Variants in TAFA2 observed in about 807,000 individuals in gnomAD.
TAFA2 encodes the protein chemokine-like protein TAFA-2.
In TAFA2, 7 loss-of-function variants were observed where a neutral mutation model predicts 18.8. The ratio of observed to expected loss-of-function variants is 0.37; its 90% CI spans 0.21 to 0.70. TAFA2 has a LOEUF of 0.70. TAFA2 is among the 30% of genes least tolerant of loss of function. The pLI is 0.53. For synonymous variants in TAFA2, 60 were observed against 54.2 expected (o/e 1.11, Z -0.47); for missense variants, 122 against 158.1 (o/e 0.77, Z 1.23).
At chr12:61,987,361 A>C (rs1225374249) in intron 1 of TAFA2, among the ~76,000 whole-genome samples, 1 of 152,210 alleles carries the variant, frequency 6.6e-6, no homozygotes, top group Non-Finnish European at 1.5e-5. Flanking sequence ...CAAACCAGTA[A>C]TCCATCAAGT....
intron 1 of TAFA2, among the ~76,000 whole-genome samples, chr12:62,056,491 TTGG>T (rs1280606302): frequency 5.9e-5 from 9 of 152,206 alleles, no homozygotes; most frequent in Non-Finnish European, 1.3e-4. Context: ...TGATAGTGTA[TTGG>T]TGGAAGAAAT....
intron 3 of TAFA2, among the ~76,000 whole-genome samples, chr12:61,754,331 C>T (rs7964226): frequency 0.37 from 56,398 of 151,202 alleles, 10,644 homozygotes; most frequent in African/African-American, 0.45. Flanking sequence ...GTAACATCAA[C>T]TAAATAAATG....
intron 1 of TAFA2, among the ~76,000 whole-genome samples, chr12:61,913,984 T>C (rs1876715007): frequency 6.6e-6 from 1 of 152,168 alleles, no homozygotes; most frequent in African/African-American, 2.4e-5. Context: ...TGTGATAAAG[T>C]AACAGAAACA....
chr12:61,899,139 T>C (rs969391361), intron 1 of TAFA2, among the ~76,000 whole-genome samples: 4 of 152,118 alleles, frequency 2.6e-5, no homozygotes, highest in African/African-American at 9.7e-5. Flanking sequence ...AGCATTTTGG[T>C]CAAAACCATT....
At position 62,233,282 on chromosome 12, in the gene TAFA2, T is replaced by C. The variant is rs372628676; in HGVS notation, c.-130+25481A>G. On this transcript the variant is annotated intron_variant, in intron 1 of 5. Transcript: ENST00000551619. ...TTTTTGTAGAGATGGGGTTTCACCA[T>C]GTTGGCCAGGCTGGACTCTAACTTC... 8.2e-4 allele frequency among the ~76,000 whole-genome samples: 124 copies of C among 151,966 alleles called. 1 individual carries two copies. The East Asian group carries it at 0.013, about 16-fold the overall frequency.
chr12:62,019,005 G>A (rs563430842), intron 1 of TAFA2, among the ~76,000 whole-genome samples: 2 of 152,206 alleles, frequency 1.3e-5, no homozygotes, highest in East Asian at 3.9e-4. Context: ...CCATCAACAA[G>A]TGGGCAAAGG....
chr12:62,209,124 A>G (rs2062703698), intron 1 of TAFA2, among the ~76,000 whole-genome samples: 1 of 152,202 alleles, frequency 6.6e-6, no homozygotes, highest in Non-Finnish European at 1.5e-5. Context: ...AAGACTTCAC[A>G]TGCTGATACA....
intron 2 of TAFA2, among the ~76,000 whole-genome samples, chr12:61,839,057 C>T (rs1873061001): frequency 6.6e-6 from 1 of 152,020 alleles, no homozygotes; most frequent in Non-Finnish European, 1.5e-5. Context: ...TGGAGTATTT[C>T]CTCAGACTTG....
chr12:62,216,893 T>C (rs1018514870), intron 1 of TAFA2, among the ~76,000 whole-genome samples: 22 of 152,208 alleles, frequency 1.4e-4, no homozygotes, highest in African/African-American at 4.1e-4. Flanking sequence ...AGTTAGCATA[T>C]ACATTACGGT....
intron 1 of TAFA2, among the ~76,000 whole-genome samples, chr12:62,186,325 A>G (rs1367156278): frequency 6.6e-6 from 1 of 152,024 alleles, no homozygotes; most frequent in Non-Finnish European, 1.5e-5. Flanking sequence ...AAATATATAT[A>G]TATTTATTTA....
intron 1 of TAFA2, among the ~76,000 whole-genome samples, chr12:62,230,851 T>A (rs1333112298): frequency 6.6e-6 from 1 of 152,200 alleles, no homozygotes; most frequent in Non-Finnish European, 1.5e-5. Context: ...TAATTTTTTA[T>A]CTTTCATAGA....
chr12:62,068,353 C>G (rs1882545360), intron 1 of TAFA2, among the ~76,000 whole-genome samples: 1 of 152,150 alleles, frequency 6.6e-6, no homozygotes. Context: ...AGCACACCCT[C>G]AGCTACCTAG....
intron 2 of TAFA2, among the ~76,000 whole-genome samples, chr12:61,791,781 G>A (rs1298715329): frequency 6.6e-6 from 1 of 151,642 alleles, no homozygotes; most frequent in Admixed American, 6.6e-5. Flanking sequence ...ATGTAAATTA[G>A]TATAGTCATT....
intron 1 of TAFA2, among the ~76,000 whole-genome samples, chr12:62,036,259 C>G (rs1249144399): frequency 1.3e-5 from 2 of 152,072 alleles, no homozygotes; most frequent in Non-Finnish European, 2.9e-5. Flanking sequence ...TAAATTTGAC[C>G]TTTATTCTGC....
At chr12:62,095,664 T>C (rs1868918448) in intron 1 of TAFA2, among the ~76,000 whole-genome samples, 1 of 152,146 alleles carries the variant, frequency 6.6e-6, no homozygotes, top group Middle Eastern at 3.2e-3. Flanking sequence ...CACCTGATTT[T>C]AGTAAACTTT....
At chr12:61,927,069 G>GAAAAAAAA (rs56908081) in intron 1 of TAFA2, among the ~76,000 whole-genome samples, 1 of 69,902 alleles carries the variant, frequency 1.4e-5, no homozygotes, top group Non-Finnish European at 2.6e-5. Flanking sequence ...GTGAGACTCT[G>GAAAAAAAA]AAAAAAAAAA....
chr12:61,734,180 T>C (rs1170991201), intron 4 of TAFA2, among the ~76,000 whole-genome samples: 1 of 151,636 alleles, frequency 6.6e-6, no homozygotes, highest in African/African-American at 2.4e-5. Context: ...TGGGCTGAGA[T>C]AATGGGGTTT....
intron 1 of TAFA2, among the ~76,000 whole-genome samples, chr12:62,033,245 C>T (rs1337358323): frequency 1.3e-5 from 2 of 152,166 alleles, no homozygotes; most frequent in East Asian, 1.9e-4. Context: ...TGCCCACTCA[C>T]ATTATGGGGC....
intron 4 of TAFA2, among the ~76,000 whole-genome samples, chr12:61,742,978 T>C (rs1868526073): frequency 6.6e-6 from 1 of 151,808 alleles, no homozygotes; most frequent in Admixed American, 6.6e-5. Flanking sequence ...ACCCTTCTCC[T>C]CTCCTGCTTG....
Sources: allele counts gnomAD v4.1 joint callset (sites outside exome capture counted in the v4.1 genomes callset), GRCh38; gene constraint gnomAD v4.1.1; transcripts MANE v1.5; gene names NCBI Gene and HGNC (gene_info 2026-07-23, HGNC 2026-07-21).